TFEB: variants seen among roughly 807,000 people sequenced by gnomAD.
The protein encoded by TFEB is T-cell transcription factor EB.
In TFEB, 12 loss-of-function variants were observed where a neutral mutation model predicts 48.0. That is an observed-to-expected ratio of 0.25 (90% CI 0.16 to 0.40). The LOEUF (loss-of-function observed/expected upper bound fraction) is 0.40. TFEB is among the 10% of genes least tolerant of loss of function. The pLI is 1.00. For missense variants in TFEB, 509 were observed against 640.3 expected (o/e 0.79, Z 2.21); for synonymous variants, 244 against 261.4 (o/e 0.93, Z 0.64).
rs531757839 is a variant in TFEB, at chr6:41,733,592, GA to G, written c.-23+1757del. 9.6e-5 allele frequency: 95 copies of G among 985,120 alleles called. No individual in the cohort carries two copies. In the African/African-American group the frequency reaches 1.6e-3, roughly 16 times the overall value. The allele number at this position is 985,120 out of a possible 1,614,324, so 61.0% of individuals were successfully genotyped here. On this transcript the variant is annotated intron_variant, in intron 1 of 8. Coordinates refer to ENST00000373033, the MANE Select transcript of TFEB (RefSeq NM_001271944.2). ...CTCCGGGCCCCGCGGCCAGGAGGCA[GA>G]CGGAGAGAAGGGAGCCAGGCGAGTT...
At chr6:41,686,440 T>C in intron 7 of TFEB, 1 of 536,924 alleles carries the variant, frequency 1.9e-6, no homozygotes, top group South Asian at 2.9e-5. Flanking sequence ...TTCATTAATC[T>C]CATGAAACCA....
At chr6:41,697,145 C>G (rs943899455) in intron 1 of TFEB, among the ~76,000 whole-genome samples, 3 of 151,394 alleles carry the variant, frequency 2.0e-5, no homozygotes, top group Admixed American at 2.0e-4. Context: ...TGGTGGCTCA[C>G]GCCTGTAATC....
At position 41,735,576 on chromosome 6, in the gene TFEB, C is replaced by T. The variant is rs1771647887; in HGVS notation, c.-249G>A. On this transcript the variant is annotated 5_prime_UTR_variant, in exon 1 of 9. Coordinates refer to ENST00000373033, the MANE Select transcript of TFEB (RefSeq NM_001271944.2). The stretch of plus-strand genomic sequence containing the variant: ...CCGCCTCCGCTGTCACCGAGCCCCG[C>T]GCCCGGCGCCCGGGCTCCGGCTGTC... 1.2e-5 allele frequency: 12 copies of T among 984,122 alleles called. No individual in the cohort carries two copies. The highest frequency in any genetic ancestry group is 5.2e-5 in the African/African-American group (3 of 57,258). 61.0% of individuals were successfully genotyped at this position (984,122 alleles called of 1,614,324 possible).
At chr6:41,702,069 G>T (rs1446801791) in intron 1 of TFEB, among the ~76,000 whole-genome samples, 1 of 152,094 alleles carries the variant, frequency 6.6e-6, no homozygotes, top group Non-Finnish European at 1.5e-5. Flanking sequence ...GCCCAGGAGA[G>T]GTAACCTGGG....
intron 1 of TFEB, chr6:41,732,600 C>G (rs991163275): frequency 1.9e-5 from 19 of 985,852 alleles, no homozygotes; most frequent in Non-Finnish European, 2.0e-5. Context: ...AAACTCACAA[C>G]CATTACATAA....
chr6:41,700,700 G>A (rs1269672253), intron 1 of TFEB, among the ~76,000 whole-genome samples: 1 of 152,150 alleles, frequency 6.6e-6, no homozygotes, highest in Non-Finnish European at 1.5e-5. Context: ...AGCAGGAGGT[G>A]GGGAGGAGGG....
In TFEB at chr6:41,687,936, C is replaced by A; in HGVS notation, c.642G>T (p.Ala214=). ...LVGVTSSSCP[A]DLTQKRELTD... Reference sequence around the variant, plus strand: ...TGAGCTCTCGCTTCTGGGTCAGGTCCGCAGGGCAGGAGCTGCTGGTGACGC... The same window carrying A: ...TGAGCTCTCGCTTCTGGGTCAGGTCAGCAGGGCAGGAGCTGCTGGTGACGC... Residue 214 remains alanine, a synonymous_variant, in exon 5 of 9, where the codon GCG becomes GCT. Transcript: ENST00000373033. 6.2e-7 allele frequency: 1 copy of A among 1,613,950 alleles called. No individual in the cohort carries two copies. The highest frequency in any genetic ancestry group is 8.5e-7 in the Non-Finnish European group (1 of 1,179,910).
rs1469476994 is a variant in TFEB at position 41,735,492 on chromosome 6, C to T, written c.-165G>A. ...CCCGTGCCACCAGGGAGGCCCGCCC[C>T]GTCCGCCCTTCCCGCCGCCGTCGGC... On this transcript the variant is annotated 5_prime_UTR_variant, in exon 1 of 9. Transcript: ENST00000373033. 1 of 984,752 alleles carries T rather than the reference C, an allele frequency of 1.0e-6. No homozygotes were observed. The highest frequency in any genetic ancestry group is 1.2e-6 in the Non-Finnish European group (1 of 829,740). 61.0% of individuals were successfully genotyped at this position (984,752 alleles called of 1,614,324 possible).
At position 41,687,957 on chromosome 6, in the gene TFEB, G is replaced by A. The variant is rs199638013; in HGVS notation, c.621C>T (p.Val207=). The A allele has an allele frequency of 2.0e-5, 32 of 1,614,072 alleles. No individual in the cohort carries two copies. In the Middle Eastern group the frequency reaches 8.3e-4, roughly 42 times the overall value. The change falls in exon 5 of 9, where the codon GTC becomes GTT. Residue 207 remains valine (V), a synonymous_variant. Transcript: ENST00000373033. ...DPQVTASLVG[V]TSSSCPADLT... ...GGTCCGCAGGGCAGGAGCTGCTGGT[G>A]ACGCCCACCAGGGAGGCTGTGACCT...
intron 1 of TFEB, among the ~76,000 whole-genome samples, chr6:41,729,440 A>G (rs544166467): frequency 6.6e-6 from 1 of 152,356 alleles, no homozygotes; most frequent in Admixed American, 6.5e-5. Context: ...CTTGCCCTCC[A>G]TAGGGTGGGA....
intron 1 of TFEB, among the ~76,000 whole-genome samples, chr6:41,727,557 T>A (rs1771265471): frequency 6.6e-6 from 1 of 152,090 alleles, no homozygotes; most frequent in Non-Finnish European, 1.5e-5. Flanking sequence ...CCAGGTGTAG[T>A]GGCACGTGCC....
chr6:41,725,827 A>T (rs540840017), intron 1 of TFEB, among the ~76,000 whole-genome samples: 1 of 152,274 alleles, frequency 6.6e-6, no homozygotes, highest in African/African-American at 2.4e-5. Flanking sequence ...ACTCACCATC[A>T]TGGCAGAAAT....
chr6:41,697,827 C>A (rs1769689263), intron 1 of TFEB, among the ~76,000 whole-genome samples: 1 of 152,110 alleles, frequency 6.6e-6, no homozygotes, highest in Non-Finnish European at 1.5e-5. Flanking sequence ...GAGGATATGT[C>A]AGGTGACAAA....
At chr6:41,728,224 T>C (rs566725496) in intron 1 of TFEB, among the ~76,000 whole-genome samples, 72 of 152,346 alleles carry the variant, frequency 4.7e-4, no homozygotes, top group African/African-American at 1.7e-3. Context: ...GGAGAAGCTG[T>C]GATCTTGTTC....
chr6:41,710,200 CAG>C (rs1429720628), intron 1 of TFEB, among the ~76,000 whole-genome samples: 2 of 152,196 alleles, frequency 1.3e-5, no homozygotes, highest in African/African-American at 4.8e-5. Context: ...ATAACTGGGG[CAG>C]AGTCATTCCC....
intron 1 of TFEB, among the ~76,000 whole-genome samples, chr6:41,708,288 G>T (rs1333496745): frequency 6.6e-6 from 1 of 152,234 alleles, no homozygotes; most frequent in East Asian, 1.9e-4. Context: ...TAGAAAGGGA[G>T]ATGTGGGAAG....
rs1768871537 is a variant in TFEB at position 41,684,327 on chromosome 6, C to T, written c.*272G>A. ...GCCCTCTTCTCACCTCTAGAACACCCTGCCCCTCCCTGCCCCGCGATTCCA... is the reference window on the plus strand; with the variant it reads ...GCCCTCTTCTCACCTCTAGAACACCTTGCCCCTCCCTGCCCCGCGATTCCA... On this transcript the variant is annotated 3_prime_UTR_variant, in exon 9 of 9. Transcript: ENST00000373033. 8.0e-6 allele frequency: 3 copies of T among 374,468 alleles called. No homozygotes were observed. The East Asian group carries it at 1.3e-4, about 16-fold the overall frequency. The allele number at this position is 374,468 out of a possible 1,614,324, so 23.2% of individuals were successfully genotyped here.
Position 41,691,074 on chromosome 6 carries a change from C to T in TFEB, c.140G>A (p.Gly47Glu), listed in dbSNP as rs1367767356. 3 of 1,572,268 alleles carry T rather than the reference C, an allele frequency of 1.9e-6. No individual in the cohort carries two copies. The highest frequency in any genetic ancestry group is 1.9e-5 in the Admixed American group (1 of 53,452). ...GGTATTGATGGCCGGGGTGGGCGGC[C>T]CTCCGAGCTGCTGCTGTTGCTGCTG... ...QQQQQQQQLG[G>E]PPTPAINTPV... Residue 47 changes from glycine (G) to glutamate (E), a missense_variant, in exon 2 of 9, where the codon GGG becomes GAG. This residue lies in a region of TFEB where 251 missense variants were observed against 317.2 expected (regional missense o/e 0.79). Coordinates refer to ENST00000373033, the MANE Select transcript of TFEB (RefSeq NM_001271944.2). The surrounding 1 kb of genome is among the most constrained non-coding windows in gnomAD (Gnocchi z 5.2).
Position 41,697,688 on chromosome 6 carries a change from G to C in TFEB, c.-22-6453C>G, listed in dbSNP as rs186684411. ...AATCATAGATGCAGAAAAGGATGTT[G>C]TGCATAAAGATGCACTTCACATTAT... On this transcript the variant is annotated intron_variant, in intron 1 of 8. Transcript: ENST00000373033. Among the ~76,000 whole-genome samples, 10 of 152,230 alleles carry C rather than the reference G, an allele frequency of 6.6e-5. No homozygotes were observed. The East Asian group carries it at 1.9e-3, about 29-fold the overall frequency.
Sources: gnomAD v4.1 joint callset for allele counts (sites outside exome capture counted in the v4.1 genomes callset) on GRCh38, gnomAD v4.1.1 for gene constraint, gnomAD v4.1.1 regional missense constraint, Gnocchi (gnomAD v3.1) non-coding constraint, MANE v1.5 for transcripts, NCBI Gene and HGNC (gene_info 2026-07-23, HGNC 2026-07-21) for gene names.